Variants in TFAP2B observed in about 807,000 individuals in gnomAD.
The protein encoded by TFAP2B is transcription factor AP-2 beta, also known as transcription factor AP-2-beta.
Under a neutral mutation model 44.3 loss-of-function variants are expected in TFAP2B, and 9 were observed. The ratio of observed to expected loss-of-function variants is 0.20; its 90% CI spans 0.12 to 0.35. The LOEUF (loss-of-function observed/expected upper bound fraction) is 0.35. Ranked by LOEUF, TFAP2B falls within the 10% of genes least tolerant of loss-of-function variation. The pLI is 1.00. For missense variants in TFAP2B, 509 were observed against 600.0 expected, an observed-to-expected ratio of 0.85 and a Z score of 1.59; for synonymous variants, 270 against 263.8, an observed-to-expected ratio of 1.02 and a Z score of -0.23.
rs1236362104 is a variant in TFAP2B at position 50,833,252 on chromosome 6, A to G, written c.602-2809A>G. On this transcript the variant is annotated intron_variant, in intron 3 of 6. Coordinates refer to ENST00000393655, the MANE Select transcript of TFAP2B (RefSeq NM_003221.4). ...GATAAACTGGAAGAAAGCAGAAGGG[A>G]AAAGACAAAGAAAGTAAAATATGGG... is the stretch of plus-strand genomic sequence containing the variant. 1.5e-4 allele frequency among the ~76,000 whole-genome samples: 23 copies of G among 152,200 alleles called. 1 individual carries two copies. The highest frequency in any genetic ancestry group is 3.4e-4 in the Non-Finnish European group (23 of 68,032).
intron 2 of TFAP2B, among the ~76,000 whole-genome samples, chr6:50,826,084 T>G (rs1770495884): frequency 6.6e-6 from 1 of 152,016 alleles, no homozygotes; most frequent in African/African-American, 2.4e-5. Flanking sequence ...CACTTCCGAG[T>G]TAGGAAGCTG....
chr6:50,825,509 C>T (rs1245954874), intron 2 of TFAP2B, among the ~76,000 whole-genome samples: 1 of 152,074 alleles, frequency 6.6e-6, no homozygotes, highest in African/African-American at 2.4e-5. Flanking sequence ...AAAGAAGGAG[C>T]AGTTTTCTTT....
chr6:50,840,202 G>A lies in TFAP2B; in HGVS notation c.987G>A (p.Thr329=), dbSNP rs1173675189. 3 of 1,614,130 alleles carry A rather than the reference G, an allele frequency of 1.9e-6. No individual in the cohort carries two copies. The highest frequency in any genetic ancestry group is 1.7e-6 in the Non-Finnish European group (2 of 1,180,028). ...LARDFGYICE[T]EFPAKAVSEY... ...GGGATTTTGGGTACATTTGCGAAAC[G>A]GAGTTTCCCGCCAAAGCCGTCTCTG... Residue 329 remains threonine, a synonymous_variant, in exon 6 of 7, where the codon ACG becomes ACA. Coordinates refer to ENST00000393655, the MANE Select transcript of TFAP2B (RefSeq NM_003221.4).
intron 5 of TFAP2B, among the ~76,000 whole-genome samples, chr6:50,839,106 G>A (rs1681193891): frequency 6.6e-6 from 1 of 152,162 alleles, no homozygotes; most frequent in African/African-American, 2.4e-5. Context: ...ACTTACTAGT[G>A]GTTGACTCTT....
intron 1 of TFAP2B, 129 bp from the exon 2 acceptor site, chr6:50,823,278 A>T: frequency 1.2e-6 from 1 of 842,270 alleles, no homozygotes; most frequent in Admixed American, 2.0e-5. Flanking sequence ...AGCGTACAAA[A>T]GCCGGGCTTC....
chr6:50,842,697 G>C (rs565559770), intron 6 of TFAP2B, among the ~76,000 whole-genome samples: 106 of 152,346 alleles, frequency 7.0e-4, no homozygotes, highest in Admixed American at 1.7e-3. Flanking sequence ...ATCACCAAGA[G>C]GTTGGAGAGG....
At chr6:50,831,643 C>T (rs940154846) in intron 3 of TFAP2B, among the ~76,000 whole-genome samples, 32 of 141,892 alleles carry the variant, frequency 2.3e-4, no homozygotes, top group African/African-American at 7.6e-4. Flanking sequence ...CTCTCAGTTC[C>T]ATTAAGATTA....
At chr6:50,821,228 G>A (rs1270330722) in intron 1 of TFAP2B, among the ~76,000 whole-genome samples, 7 of 152,244 alleles carry the variant, frequency 4.6e-5, no homozygotes, top group Admixed American at 1.3e-4. Flanking sequence ...CGCAAACTAT[G>A]TGAGCACTAA....
intron 1 of TFAP2B, 93 bp from the exon 2 acceptor site, chr6:50,823,314 C>G (rs776383328): frequency 1.3e-3 from 1,324 of 1,019,580 alleles, no homozygotes; most frequent in Non-Finnish European, 1.8e-3. Flanking sequence ...TATTTTTTTT[C>G]TTCCTCTCTG....
In TFAP2B at chr6:50,827,345, C is replaced by T. The variant is rs1330308854; in HGVS notation, c.541-1274C>T. On this transcript the variant is annotated intron_variant, in intron 2 of 6. Transcript: ENST00000393655. ...TTACTATTTCCTAAGATGTGCATGG[C>T]ATGTTGCAGCAAGGATAACAATTCC... is the stretch of plus-strand genomic sequence containing the variant. Among the ~76,000 whole-genome samples, 5 of 152,326 alleles carry T rather than the reference C, an allele frequency of 3.3e-5. No homozygotes were observed. The South Asian group carries it at 1.0e-3, about 32-fold the overall frequency.
chr6:50,819,467 C>A (rs936764984), intron 1 of TFAP2B, among the ~76,000 whole-genome samples: 1 of 151,876 alleles, frequency 6.6e-6, no homozygotes, highest in Non-Finnish European at 1.5e-5. Flanking sequence ...AGAGAATTAG[C>A]GGGAAAGAAG....
rs1289128543 is a variant in TFAP2B, at chr6:50,845,840, A to G, written c.*2448A>G. 1 of 152,726 alleles carries G rather than the reference A, an allele frequency of 6.5e-6. No homozygotes were observed. The highest frequency in any genetic ancestry group is 1.5e-5 in the Non-Finnish European group (1 of 68,118). 9.5% of individuals were successfully genotyped at this position (152,726 alleles called of 1,614,324 possible). A position where few individuals can be genotyped will look rare whatever the true frequency, so the allele number is the denominator to read the frequency against. ...GAATCAGCCGCTGGAGGGGCTGCCG[A>G]CTGCGCGGGCCCTTCCCGCTCTCGG... On this transcript the variant is annotated 3_prime_UTR_variant, in exon 7 of 7. Coordinates refer to ENST00000393655, the MANE Select transcript of TFAP2B (RefSeq NM_003221.4).
chr6:50,829,000 G>C (rs553445897), intron 3 of TFAP2B, among the ~76,000 whole-genome samples: 8 of 152,258 alleles, frequency 5.3e-5, no homozygotes, highest in Admixed American at 1.3e-4. Flanking sequence ...GGTAAACACT[G>C]GTTTCAAGAA....
chr6:50,819,394 C>A (rs529267920), intron 1 of TFAP2B, among the ~76,000 whole-genome samples: 16 of 151,918 alleles, frequency 1.1e-4, no homozygotes, highest in Middle Eastern at 3.4e-3. Context: ...CAGACTCGGG[C>A]TTTTAATTTT....
intron 1 of TFAP2B, among the ~76,000 whole-genome samples, chr6:50,821,272 C>T (rs1770338261): frequency 6.6e-6 from 1 of 152,216 alleles, no homozygotes; most frequent in South Asian, 2.1e-4. Context: ...GAAAAGCCTC[C>T]ATCTCGCTTC....
Position 50,833,516 on chromosome 6 carries a change from G to A in TFAP2B, c.602-2545G>A, listed in dbSNP as rs192003758. Among the ~76,000 whole-genome samples, 546 of 150,616 alleles carry A rather than the reference G, an allele frequency of 3.6e-3. 4 individuals are homozygous for A. The highest frequency in any genetic ancestry group is 5.7e-3 in the Non-Finnish European group (383 of 67,628). On this transcript the variant is annotated intron_variant, in intron 3 of 6. Transcript: ENST00000393655. ...TCTGACATTGTCCTTGCTTTGACTG[G>A]AAGGGGAAAAAACAAAAACAAAAAC...
At position 50,846,037 on chromosome 6, in the gene TFAP2B, C is replaced by T. The variant is rs1167629778; in HGVS notation, c.*2645C>T. ...AATATCCAAGGAATCCGAAGCTTCC[C>T]CTCCTCCACCTCTGCCAGTACGGAA... On this transcript the variant is annotated 3_prime_UTR_variant, in exon 7 of 7. Coordinates refer to ENST00000393655, the MANE Select transcript of TFAP2B (RefSeq NM_003221.4). 1 of 152,672 alleles carries T rather than the reference C, an allele frequency of 6.5e-6. No individual in the cohort carries two copies. The highest frequency in any genetic ancestry group is 2.4e-5 in the African/African-American group (1 of 41,460). 9.5% of individuals were successfully genotyped at this position (152,672 alleles called of 1,614,324 possible).
chr6:50,820,424 T>G (rs1770309332), intron 1 of TFAP2B, among the ~76,000 whole-genome samples: 1 of 151,772 alleles, frequency 6.6e-6, no homozygotes, highest in South Asian at 2.1e-4. Flanking sequence ...GGGGTGTGTG[T>G]ATGTGTGGAG....
In TFAP2B at chr6:50,823,436, C is replaced by G. The variant is rs757111502; in HGVS notation, c.111C>G (p.Ser37Arg). 4 of 1,605,102 alleles carry G rather than the reference C, an allele frequency of 2.5e-6. No individual in the cohort carries two copies. Among genetic ancestry groups the G allele is most frequent in the Non-Finnish European group, 3.4e-6 (4 of 1,176,040 alleles). Reference sequence around the variant, plus strand: ...GGCACGATGGTGTCCCGAGCCACAGCTCGCGGCTCTCCCAGCTGGGCTCGG... The same window carrying G: ...GGCACGATGGTGTCCCGAGCCACAGGTCGCGGCTCTCCCAGCTGGGCTCGG... ...EDRHDGVPSH[S>R]SRLSQLGSVS... Residue 37 changes from serine (S) to arginine (R), a missense_variant, in exon 2 of 7, where the codon AGC becomes AGG. Around this residue, in one of 3 missense-constraint regions of TFAP2B, gnomAD observed 296 missense variants for 308.2 expected, o/e 0.96. Transcript: ENST00000393655.
Sources: allele counts gnomAD v4.1 joint callset (sites outside exome capture counted in the v4.1 genomes callset), GRCh38; gene constraint gnomAD v4.1.1; regional missense constraint gnomAD v4.1.1; transcripts MANE v1.5; gene names NCBI Gene and HGNC (gene_info 2026-07-23, HGNC 2026-07-21).